The following NXPH2 variants were observed in gnomAD, a reference collection of about 807,000 sequenced individuals.
NXPH2 encodes neurexophilin-2.
In NXPH2, 5 loss-of-function variants were observed where a neutral mutation model predicts 19.8. The ratio of observed to expected loss-of-function variants is 0.25; its 90% CI spans 0.13 to 0.53. The LOEUF (loss-of-function observed/expected upper bound fraction) is 0.53. Among genes scored for constraint, NXPH2 ranks in the 20% least tolerant of loss-of-function variants. The pLI is 0.96. For synonymous variants in NXPH2, 154 were observed against 127.4 expected (o/e 1.21, Z -1.41); for missense variants, 289 against 322.8 (o/e 0.90, Z 0.80).
chr2:138,734,783 G>A (rs996957737), intron 1 of NXPH2, among the ~76,000 whole-genome samples: 2 of 152,198 alleles, frequency 1.3e-5, no homozygotes, highest in African/African-American at 4.8e-5. Context: ...TGCTCAGATG[G>A]CTGATAGAAC....
At chr2:138,677,563 G>A (rs1680503100) in intron 1 of NXPH2, among the ~76,000 whole-genome samples, 1 of 152,122 alleles carries the variant, frequency 6.6e-6, no homozygotes, top group Non-Finnish European at 1.5e-5. Flanking sequence ...TTTCATTTTG[G>A]TTCTTTTGTT....
chr2:138,766,127 A>T (rs947951735), intron 1 of NXPH2, among the ~76,000 whole-genome samples: 3 of 152,238 alleles, frequency 2.0e-5, no homozygotes, highest in Non-Finnish European at 4.4e-5. Flanking sequence ...TCCAACAGAG[A>T]TGTGTGCACT....
chr2:138,758,241 T>A (rs1681946070), intron 1 of NXPH2, among the ~76,000 whole-genome samples: 1 of 152,062 alleles, frequency 6.6e-6, no homozygotes, highest in African/African-American at 2.4e-5. Flanking sequence ...TTTCCTAGGG[T>A]CTATCTATAA....
At chr2:138,748,921 T>C (rs1681784351) in intron 1 of NXPH2, among the ~76,000 whole-genome samples, 1 of 152,194 alleles carries the variant, frequency 6.6e-6, no homozygotes, top group African/African-American at 2.4e-5. Context: ...GAAAAGCAGT[T>C]TTGCATTTTT....
chr2:138,719,101 G>A, intron 1 of NXPH2, among the ~76,000 whole-genome samples: 1 of 152,068 alleles, frequency 6.6e-6, no homozygotes, highest in Non-Finnish European at 1.5e-5. Flanking sequence ...TTTCATTTTT[G>A]ATTAACAAGC....
At chr2:138,693,113 T>C (rs923203937) in intron 1 of NXPH2, among the ~76,000 whole-genome samples, 3 of 152,202 alleles carry the variant, frequency 2.0e-5, no homozygotes, top group Non-Finnish European at 4.4e-5. Flanking sequence ...CATGGTTTGT[T>C]CCATGAATGT....
At chr2:138,711,145 C>CTTTTTTTTTTTTTTTTTTTTTTTTT (rs397766605) in intron 1 of NXPH2, among the ~76,000 whole-genome samples, 3 of 91,090 alleles carry the variant, frequency 3.3e-5, no homozygotes, top group Non-Finnish European at 6.1e-5. Flanking sequence ...ATTTCTATCA[C>CTTTTTTTTTTTTTTTTTTTTTTTTT]TTTTTTTTTT....
chr2:138,737,216 A>T (rs768256328), intron 1 of NXPH2, among the ~76,000 whole-genome samples: 9 of 152,162 alleles, frequency 5.9e-5, no homozygotes, highest in Admixed American at 5.9e-4. Flanking sequence ...TGCTGCTGAT[A>T]AAGACATATC....
chr2:138,676,801 A>G (rs1680490592), intron 1 of NXPH2, among the ~76,000 whole-genome samples: 1 of 134,768 alleles, frequency 7.4e-6, no homozygotes, highest in Admixed American at 7.3e-5. Context: ...TGGTTAATTG[A>G]GCAACTTGTT....
chr2:138,774,697 C>T (rs1682233195), intron 1 of NXPH2, among the ~76,000 whole-genome samples: 1 of 152,080 alleles, frequency 6.6e-6, no homozygotes, highest in South Asian at 2.1e-4. Context: ...ACACTCACAC[C>T]CTTGGACCAA....
intron 1 of NXPH2, among the ~76,000 whole-genome samples, chr2:138,686,877 T>C (rs1375229953): frequency 2.0e-5 from 3 of 152,214 alleles, no homozygotes; most frequent in Admixed American, 1.3e-4. Flanking sequence ...ACAAAGGACA[T>C]GAACTCATCC....
chr2:138,672,510 G>GT (rs1243393617), intron 1 of NXPH2, among the ~76,000 whole-genome samples: 1 of 152,100 alleles, frequency 6.6e-6, no homozygotes, highest in Non-Finnish European at 1.5e-5. Context: ...GAGTCCCCAT[G>GT]TTTACTAAAA....
chr2:138,717,876 A>G (rs1470339635), intron 1 of NXPH2, among the ~76,000 whole-genome samples: 1 of 152,152 alleles, frequency 6.6e-6, no homozygotes, highest in Non-Finnish European at 1.5e-5. Context: ...CAAGAAAGAA[A>G]TTTTTGGAAA....
intron 1 of NXPH2, among the ~76,000 whole-genome samples, chr2:138,765,222 C>A (rs962539384): frequency 6.6e-6 from 1 of 152,174 alleles, no homozygotes; most frequent in African/African-American, 2.4e-5. Flanking sequence ...GGTGCTCCAA[C>A]ACACTCACTG....
chr2:138,762,209 T>G (rs955648219), intron 1 of NXPH2, among the ~76,000 whole-genome samples: 2 of 152,168 alleles, frequency 1.3e-5, no homozygotes, highest in African/African-American at 4.8e-5. Flanking sequence ...TCAACAGTGG[T>G]CAACTTGAGG....
chr2:138,708,370 A>G (rs569089885), intron 1 of NXPH2, among the ~76,000 whole-genome samples: 11 of 152,344 alleles, frequency 7.2e-5, no homozygotes, highest in African/African-American at 2.4e-4. Flanking sequence ...AGCTGGCACT[A>G]TTTTGTACAT....
At chr2:138,741,720 C>T (rs1681645861) in intron 1 of NXPH2, among the ~76,000 whole-genome samples, 1 of 152,324 alleles carries the variant, frequency 6.6e-6, no homozygotes, top group Middle Eastern at 3.4e-3. Context: ...TACATACTTT[C>T]TGCAGTGGTT....
chr2:138,737,785 A>C (rs1410708472), intron 1 of NXPH2, among the ~76,000 whole-genome samples: 6 of 152,124 alleles, frequency 3.9e-5, no homozygotes, highest in African/African-American at 1.4e-4. Flanking sequence ...AAAAGTGGAG[A>C]GCTTATTTGA....
intron 1 of NXPH2, among the ~76,000 whole-genome samples, chr2:138,738,371 A>C (rs1287368592): frequency 6.6e-6 from 1 of 152,224 alleles, no homozygotes; most frequent in African/African-American, 2.4e-5. Flanking sequence ...TGGTGGACTC[A>C]TTCCCCAAAT....
Sources: gnomAD v4.1 joint callset for allele counts (sites outside exome capture counted in the v4.1 genomes callset) on GRCh38, gnomAD v4.1.1 for gene constraint, MANE v1.5 for transcripts, NCBI Gene and HGNC (gene_info 2026-07-23, HGNC 2026-07-21) for gene names.